Variants in NKAIN1 observed in about 807,000 individuals in gnomAD.
NKAIN1 encodes sodium/potassium-transporting ATPase subunit beta-1-interacting protein 1.
Under a neutral mutation model 31.6 loss-of-function variants are expected in NKAIN1, and 13 were observed. That is an observed-to-expected ratio of 0.41 (90% CI 0.27 to 0.65). The LOEUF is 0.65. NKAIN1 is among the 30% of genes least tolerant of loss of function. NKAIN1 has a pLI of 0.30. For synonymous variants in NKAIN1, 104 were observed against 109.0 expected (o/e 0.95, Z 0.28); for missense variants, 193 against 262.2 (o/e 0.74, Z 1.82).
At chr1:31,195,205 G>A (rs1420836684) in intron 1 of NKAIN1, among the ~76,000 whole-genome samples, 2 of 140,736 alleles carry the variant, frequency 1.4e-5, no homozygotes, top group African/African-American at 5.3e-5. Flanking sequence ...TGCAACCTCC[G>A]CCTCCTGGGT....
chr1:31,194,073 GTTCCTGGGGACAGTGGATACAGACTTC>G (rs1430054975), intron 1 of NKAIN1, among the ~76,000 whole-genome samples: 1 of 152,194 alleles, frequency 6.6e-6, no homozygotes, highest in Non-Finnish European at 1.5e-5. Context: ...TGGGGTGAAA[GTTCCTGGGGACAGTGGATACAGACTTC>G]TCCCTGATCT....
chr1:31,186,799 G>A (rs868154431), intron 2 of NKAIN1, among the ~76,000 whole-genome samples: 1 of 152,354 alleles, frequency 6.6e-6, no homozygotes, highest in South Asian at 2.1e-4. Context: ...AGAGGGCTGG[G>A]ATGGGAGGGA....
At position 31,183,790 on chromosome 1, in the gene NKAIN1, T is replaced by C. The variant is rs369871822; in HGVS notation, c.471+27A>G. On this transcript the variant is annotated intron_variant, in intron 4 of 6. Coordinates refer to ENST00000373736, the MANE Select transcript of NKAIN1 (RefSeq NM_024522.3). Reference sequence around the variant, plus strand: ...CTAAAGAAAGGGATCGGGAAGTGTGTGTAGGGTGGGGGACAGAAGGACTTA... The same window carrying C: ...CTAAAGAAAGGGATCGGGAAGTGTGCGTAGGGTGGGGGACAGAAGGACTTA... The C allele has an allele frequency of 8.7e-4, 1,384 of 1,596,084 alleles. 22 individuals carry two copies. In the South Asian group the frequency reaches 0.014, roughly 16 times the overall value.
chr1:31,193,387 T>G (rs537807941), intron 1 of NKAIN1, among the ~76,000 whole-genome samples: 1 of 151,892 alleles, frequency 6.6e-6, no homozygotes, highest in East Asian at 2.0e-4. Flanking sequence ...ATTTTAAAGT[T>G]ATTATTTTTT....
chr1:31,203,767 T>C (rs1645402929), intron 1 of NKAIN1, among the ~76,000 whole-genome samples: 3 of 152,038 alleles, frequency 2.0e-5, no homozygotes, highest in Admixed American at 1.3e-4. Context: ...GTATTTTTAG[T>C]AGAGATGGGG....
At chr1:31,194,517 C>G (rs574071261) in intron 1 of NKAIN1, among the ~76,000 whole-genome samples, 1 of 150,414 alleles carries the variant, frequency 6.6e-6, no homozygotes, top group African/African-American at 2.4e-5. Flanking sequence ...AGTGATTCTC[C>G]TGCCTCAGCC....
intron 1 of NKAIN1, among the ~76,000 whole-genome samples, chr1:31,213,029 AG>A (rs1396135294): frequency 8.3e-6 from 1 of 119,934 alleles, no homozygotes; most frequent in East Asian, 2.2e-4. Flanking sequence ...CAAAATAAAA[AG>A]CTTTTTCTTT....
Position 31,181,522 on chromosome 1 carries a change from C to T in NKAIN1, c.*181G>A. 2 of 522,242 alleles carry T rather than the reference C, an allele frequency of 3.8e-6. No individual in the cohort carries two copies. Among genetic ancestry groups the T allele is most frequent in the Non-Finnish European group, 3.1e-6 (1 of 323,536 alleles). 32.4% of individuals were successfully genotyped at this position (522,242 alleles called of 1,614,324 possible). On this transcript the variant is annotated 3_prime_UTR_variant, in exon 7 of 7. Coordinates refer to ENST00000373736, the MANE Select transcript of NKAIN1 (RefSeq NM_024522.3). ...AGTCCGGGCTGCGAAGAGCCAAGCT[C>T]AAATCCAAGTCCAAGTCCAAGTCCA... is the stretch of plus-strand genomic sequence containing the variant.
chr1:31,202,368 AG>A (rs1645387024), intron 1 of NKAIN1, among the ~76,000 whole-genome samples: 1 of 152,166 alleles, frequency 6.6e-6, no homozygotes, highest in Non-Finnish European at 1.5e-5. Context: ...ACCAAGGGGA[AG>A]TCTAAAAAAA....
At chr1:31,183,436 CTTTTTTTTTTTTTT>C (rs3046278) in intron 4 of NKAIN1, among the ~76,000 whole-genome samples, 71 of 106,702 alleles carry the variant, frequency 6.7e-4, no homozygotes, top group African/African-American at 3.2e-3. Context: ...TTCATTCCCT[CTTTTTTTTTTTTTT>C]TTTTTTTTTT....
At chr1:31,224,663 A>C (rs1385537787) in intron 1 of NKAIN1, among the ~76,000 whole-genome samples, 1 of 152,240 alleles carries the variant, frequency 6.6e-6, no homozygotes, top group Non-Finnish European at 1.5e-5. Context: ...CAACTTGAGG[A>C]TCATGAAGCG....
At chr1:31,184,872 GT>G (rs1645230587) in intron 3 of NKAIN1, among the ~76,000 whole-genome samples, 1 of 152,030 alleles carries the variant, frequency 6.6e-6, no homozygotes. Flanking sequence ...CCAAATCTTT[GT>G]GGTCTAAGCA....
intron 1 of NKAIN1, among the ~76,000 whole-genome samples, chr1:31,206,326 A>G (rs975122764): frequency 1.3e-5 from 2 of 151,704 alleles, no homozygotes; most frequent in Non-Finnish European, 2.9e-5. Flanking sequence ...ATAAAGCCCT[A>G]TCTTCTTCAT....
intron 1 of NKAIN1, among the ~76,000 whole-genome samples, chr1:31,213,928 A>G (rs941052169): frequency 1.4e-4 from 22 of 152,054 alleles, no homozygotes; most frequent in African/African-American, 5.1e-4. Context: ...CGGGAGATTG[A>G]GGCTGCAGTA....
At chr1:31,186,434 CTG>C (rs1645245225) in intron 2 of NKAIN1, among the ~76,000 whole-genome samples, 1 of 102,864 alleles carries the variant, frequency 9.7e-6, no homozygotes, top group South Asian at 3.4e-4. Context: ...AGATTTTGGT[CTG>C]TCACCCAGGC....
intron 1 of NKAIN1, among the ~76,000 whole-genome samples, chr1:31,194,608 T>C (rs1320288019): frequency 6.6e-6 from 1 of 151,680 alleles, no homozygotes; most frequent in Non-Finnish European, 1.5e-5. Flanking sequence ...GGTTTCTCCA[T>C]GTTGGTCAGG....
rs941338837 is a variant in NKAIN1 at position 31,184,140 on chromosome 1, T to G, written c.274-126A>C. On this transcript the variant is annotated intron_variant, in intron 3 of 6. Coordinates refer to ENST00000373736, the MANE Select transcript of NKAIN1 (RefSeq NM_024522.3). ...GGAGCCTGCACCTGCAAGTCCATAT[T>G]TGACCAACAGGTGGCACTTAATGAC... 6.6e-5 allele frequency: 50 copies of G among 754,336 alleles called. No individual in the cohort carries two copies. In the African/African-American group the frequency reaches 6.7e-4, roughly 10 times the overall value. The allele number at this position is 754,336 out of a possible 1,614,324, so 46.7% of individuals were successfully genotyped here. A position where few individuals can be genotyped will look rare whatever the true frequency, so the allele number is the denominator to read the frequency against.
chr1:31,208,719 G>A (rs891097822), intron 1 of NKAIN1, among the ~76,000 whole-genome samples: 3 of 152,098 alleles, frequency 2.0e-5, no homozygotes, highest in Non-Finnish European at 2.9e-5. Flanking sequence ...AAGCTGCCCC[G>A]GACTTTGAGA....
chr1:31,238,729 T>G (rs1183290578), intron 1 of NKAIN1, among the ~76,000 whole-genome samples: 1 of 151,916 alleles, frequency 6.6e-6, no homozygotes, highest in Non-Finnish European at 1.5e-5. Flanking sequence ...CTCTGGTGGG[T>G]GGAACTGATG....
Sources: gnomAD v4.1 joint callset for allele counts (sites outside exome capture counted in the v4.1 genomes callset) on GRCh38, gnomAD v4.1.1 for gene constraint, MANE v1.5 for transcripts, NCBI Gene and HGNC (gene_info 2026-07-23, HGNC 2026-07-21) for gene names.